YTHDF2: variants seen among roughly 807,000 people sequenced by gnomAD.
The protein encoded by YTHDF2 is YTH N6-methyladenosine RNA binding protein F2, also known as YTH domain-containing family protein 2.
Under a neutral mutation model 50.4 loss-of-function variants are expected in YTHDF2, and 2 were observed. The ratio of observed to expected loss-of-function variants is 0.04; its 90% confidence interval spans 0.02 to 0.12. YTHDF2 has a LOEUF of 0.12. Ranked by LOEUF, YTHDF2 falls within the 10% of genes least tolerant of loss-of-function variation. The probability of loss-of-function intolerance (pLI) is 1.00; values close to 1 mark genes in which losing one functional copy is unlikely to be tolerated. For missense variants in YTHDF2, 483 were observed against 722.6 expected, an observed-to-expected ratio of 0.67 and a Z score of 3.80; for synonymous variants, 217 against 255.6, an observed-to-expected ratio of 0.85 and a Z score of 1.44.
At chr1:28,740,578 A>G (rs1361629044) in intron 3 of YTHDF2, among the ~76,000 whole-genome samples, 1 of 152,146 alleles carries the variant, frequency 6.6e-6, no homozygotes, top group Non-Finnish European at 1.5e-5. Context: ...TAATCTGTTG[A>G]TTATAGGCTG....
intron 4 of YTHDF2, among the ~76,000 whole-genome samples, chr1:28,748,175 C>T (rs1446035364): frequency 6.6e-6 from 1 of 151,786 alleles, no homozygotes; most frequent in East Asian, 1.9e-4. Context: ...CAGGAAGATG[C>T]CTATGATTGC....
chr1:28,751,936 C>T (rs998538948), intron 4 of YTHDF2, among the ~76,000 whole-genome samples: 66 of 152,190 alleles, frequency 4.3e-4, no homozygotes, highest in African/African-American at 1.6e-3. Flanking sequence ...CAAATGGCAG[C>T]ACAGTGCTTG....
At chr1:28,739,713 A>G (rs1243885314) in intron 3 of YTHDF2, among the ~76,000 whole-genome samples, 1 of 152,252 alleles carries the variant, frequency 6.6e-6, no homozygotes, top group Non-Finnish European at 1.5e-5. Flanking sequence ...AATACTGTTT[A>G]GCACAAATGA....
At chr1:28,762,429 C>T (rs1483541327) in intron 4 of YTHDF2, among the ~76,000 whole-genome samples, 1 of 152,186 alleles carries the variant, frequency 6.6e-6, no homozygotes, top group Non-Finnish European at 1.5e-5. Flanking sequence ...CAAAGAATGA[C>T]TCCCGTCTAA....
At chr1:28,752,736 AT>A (rs1301030033) in intron 4 of YTHDF2, among the ~76,000 whole-genome samples, 2 of 149,914 alleles carry the variant, frequency 1.3e-5, no homozygotes, top group Non-Finnish European at 3.0e-5. Flanking sequence ...GCTCTTAAAC[AT>A]TTTTTTTCAA....
intron 3 of YTHDF2, chr1:28,739,193 A>G (rs2087740816): frequency 6.6e-6 from 1 of 152,208 alleles, no homozygotes; most frequent in African/African-American, 2.4e-5. Context: ...GTGACAGAAC[A>G]AGATCTGGTC....
At position 28,738,245 on chromosome 1, in the gene YTHDF2, T is replaced by G. The variant is rs745356400; in HGVS notation, c.53-14T>G. On this transcript the variant is annotated splice_polypyrimidine_tract_variant and intron_variant, in intron 2 of 4. Transcript: ENST00000373812. ...AGGATTGGGACACTCCTAATTGAAT[T>G]TTTTTTTCTTTAGTACAAAATGGAT... 6.2e-7 allele frequency: 1 copy of G among 1,609,274 alleles called. No homozygotes were observed. Among genetic ancestry groups the G allele is most frequent in the Non-Finnish European group, 8.5e-7 (1 of 1,175,806 alleles).
chr1:28,744,029 C>T (rs774912450), intron 4 of YTHDF2, 43 bp downstream of exon 4: 65 of 1,503,148 alleles, frequency 4.3e-5, no homozygotes, highest in Non-Finnish European at 5.8e-5. Context: ...GAAGGAGGAA[C>T]CAGAGAGAAC....
intron 4 of YTHDF2, among the ~76,000 whole-genome samples, chr1:28,765,145 G>A (rs541633726): frequency 1.3e-5 from 2 of 152,102 alleles, no homozygotes; most frequent in Admixed American, 1.3e-4. Context: ...GGGACTATAG[G>A]TGTGTGCCAG....
In YTHDF2 at chr1:28,743,170, C is replaced by T; in HGVS notation, c.900C>T (p.Thr300=). 1.2e-6 allele frequency: 2 copies of T among 1,614,136 alleles called. No individual in the cohort carries two copies. The highest frequency in any genetic ancestry group is 1.7e-6 in the Non-Finnish European group (2 of 1,180,036). Residue 300 remains threonine (T), a synonymous_variant, in exon 4 of 5, where the codon ACC becomes ACT. Transcript: ENST00000373812. This position sits in a 1 kb window ranked among gnomAD's most constrained non-coding sequence, Gnocchi z 6.9. ...TGGTTCAGAATATAGGTCAGCCAAC[C>T]CAGGGGTCTCCTCAGCCTGTAGGTC... ...QALVQNIGQP[T]QGSPQPVGQQ...
At position 28,743,343 on chromosome 1, in the gene YTHDF2, G is replaced by A; in HGVS notation, c.1073G>A (p.Gly358Asp). The A allele has an allele frequency of 6.2e-7, 1 of 1,614,146 alleles. No homozygotes were observed. The highest frequency in any genetic ancestry group is 8.5e-7 in the Non-Finnish European group (1 of 1,180,028). The part of the protein sequence containing the change: ...PTRWVAPRNR[G>D]SGFGHNGVDG... ...CGCTGGGTAGCACCTCGGAACCGTG[G>A]CAGTGGGTTCGGTCATAATGGGGTG... Residue 358 changes from glycine to aspartate, a missense_variant, in exon 4 of 5, where the codon GGC becomes GAC. By Grantham distance (94) the Gly-to-Asp change is moderately conservative (BLOSUM62 -1). Around this residue, in one of 4 missense-constraint regions of YTHDF2, gnomAD observed 385 missense variants for 475.8 expected, o/e 0.81. Coordinates refer to ENST00000373812, the MANE Select transcript of YTHDF2 (RefSeq NM_016258.3). The surrounding 1 kb of genome is among the most constrained non-coding windows in gnomAD (Gnocchi z 6.9).
At chr1:28,744,052 A>G (rs1391767160) in intron 4 of YTHDF2, 66 bp downstream of exon 4, 3 of 1,452,318 alleles carry the variant, frequency 2.1e-6, no homozygotes, top group Non-Finnish European at 9.1e-7. Flanking sequence ...AAGAGGTATT[A>G]TATAGTGAAC....
intron 4 of YTHDF2, among the ~76,000 whole-genome samples, chr1:28,767,500 T>A (rs2088235977): frequency 6.6e-6 from 1 of 151,834 alleles, no homozygotes; most frequent in Non-Finnish European, 1.5e-5. Flanking sequence ...TTTATTTTTA[T>A]TTTATTTATT....
At chr1:28,738,140 A>G (rs2087723336) in intron 2 of YTHDF2, 119 bp from the exon 3 acceptor site, 1 of 740,588 alleles carries the variant, frequency 1.4e-6, no homozygotes. Flanking sequence ...ACCCTTTTGA[A>G]GTTCAATCTT....
intron 4 of YTHDF2, among the ~76,000 whole-genome samples, chr1:28,767,193 A>G (rs546850904): frequency 7.2e-5 from 11 of 152,224 alleles, no homozygotes; most frequent in Non-Finnish European, 1.5e-4. Context: ...TTGAAGCAAT[A>G]TTGAACATAG....
chr1:28,751,031 T>C (rs1394447642), intron 4 of YTHDF2, among the ~76,000 whole-genome samples: 1 of 141,820 alleles, frequency 7.1e-6, no homozygotes, highest in African/African-American at 2.7e-5. Flanking sequence ...AGATGGAGGT[T>C]GCTGTGAGCT....
intron 4 of YTHDF2, among the ~76,000 whole-genome samples, chr1:28,747,854 G>A (rs915796402): frequency 1.3e-4 from 20 of 151,484 alleles, no homozygotes; most frequent in Admixed American, 5.9e-4. Context: ...GGCCGGGCGC[G>A]GTGGCTCACG....
At chr1:28,766,460 T>G (rs931395843) in intron 4 of YTHDF2, among the ~76,000 whole-genome samples, 13 of 152,182 alleles carry the variant, frequency 8.5e-5, no homozygotes, top group African/African-American at 3.1e-4. Context: ...TCTTCACTGG[T>G]TTCAAGTGAG....
At chr1:28,749,179 C>CTTTTTTTTTTT (rs60729215) in intron 4 of YTHDF2, among the ~76,000 whole-genome samples, 1 of 107,426 alleles carries the variant, frequency 9.3e-6, no homozygotes. Context: ...TTCTTTCTTC[C>CTTTTTTTTTTT]TTTTTTTTTT....
Sources: gnomAD v4.1 joint callset for allele counts (sites outside exome capture counted in the v4.1 genomes callset) on GRCh38, gnomAD v4.1.1 for gene constraint, gnomAD v4.1.1 regional missense constraint, Gnocchi (gnomAD v3.1) non-coding constraint, MANE v1.5 for transcripts, NCBI Gene and HGNC (gene_info 2026-07-23, HGNC 2026-07-21) for gene names.